Variants in MICU3 observed in about 807,000 individuals in gnomAD.
MICU3 encodes calcium uptake protein 3, mitochondrial.
In MICU3, 62 loss-of-function variants were observed where a neutral mutation model predicts 66.5. The observed-to-expected ratio is 0.93, with a 90% CI of 0.76 to 1.15. MICU3 has a LOEUF of 1.15. MICU3 is among the 50% of genes most tolerant of loss of function. The pLI is 0.00. For synonymous variants in MICU3, 308 were observed against 240.7 expected (o/e 1.28, Z -2.59); for missense variants, 779 against 664.4 (o/e 1.17, Z -1.90).
At chr8:17,080,282 T>G (rs1275805481) in intron 4 of MICU3, among the ~76,000 whole-genome samples, 1 of 152,150 alleles carries the variant, frequency 6.6e-6, no homozygotes, top group African/African-American at 2.4e-5. Context: ...TTTAAGCCAC[T>G]TCAATCACCA....
At chr8:17,058,164 T>C (rs1817268436) in intron 1 of MICU3, among the ~76,000 whole-genome samples, 1 of 152,210 alleles carries the variant, frequency 6.6e-6, no homozygotes, top group African/African-American at 2.4e-5. Context: ...TTTTACTGCA[T>C]TGGCAATTTG....
intron 1 of MICU3, among the ~76,000 whole-genome samples, chr8:17,046,864 C>T (rs894067846): frequency 6.6e-6 from 1 of 152,058 alleles, no homozygotes; most frequent in Non-Finnish European, 1.5e-5. Flanking sequence ...TCCATACCAC[C>T]TCATGTGGGC....
intron 1 of MICU3, among the ~76,000 whole-genome samples, chr8:17,033,319 A>G (rs370960758): frequency 2.3e-4 from 35 of 152,378 alleles, no homozygotes; most frequent in African/African-American, 7.0e-4. Context: ...CACACAGATT[A>G]TAAGGAGACA....
intron 4 of MICU3, among the ~76,000 whole-genome samples, chr8:17,078,691 AAGG>A (rs1181441535): frequency 2.0e-5 from 3 of 152,042 alleles, no homozygotes; most frequent in Non-Finnish European, 4.4e-5. Context: ...AAATACTTTG[AAGG>A]AGTAGTTATA....
At chr8:17,092,857 A>C (rs890835654) in intron 8 of MICU3, among the ~76,000 whole-genome samples, 1 of 152,042 alleles carries the variant, frequency 6.6e-6, no homozygotes, top group Non-Finnish European at 1.5e-5. Context: ...AAATTAACTC[A>C]AGTGTCTAAT....
intron 9 of MICU3, among the ~76,000 whole-genome samples, chr8:17,100,409 G>A (rs543127004): frequency 5.3e-5 from 8 of 151,622 alleles, no homozygotes; most frequent in Non-Finnish European, 1.0e-4. Context: ...ATAATTACTT[G>A]GGGTTTATCT....
chr8:17,087,095 G>T (rs1799556511), intron 7 of MICU3, 60 bp downstream of exon 7: 2 of 1,098,008 alleles, frequency 1.8e-6, no homozygotes, highest in African/African-American at 1.6e-5. Flanking sequence ...TTTTATTCAT[G>T]TTAAGAAACA....
At chr8:17,054,663 T>C (rs530318890) in intron 1 of MICU3, among the ~76,000 whole-genome samples, 1 of 152,224 alleles carries the variant, frequency 6.6e-6, no homozygotes, top group African/African-American at 2.4e-5. Flanking sequence ...AAACCATTTG[T>C]TTACCTTCAA....
chr8:17,116,663 C>G, intron 13 of MICU3, 63 bp downstream of exon 13: 8 of 1,176,460 alleles, frequency 6.8e-6, no homozygotes, highest in Non-Finnish European at 9.5e-6. Flanking sequence ...ATCAATCCAT[C>G]TAAGTTGAGA....
At position 17,114,193 on chromosome 8, in the gene MICU3, T is replaced by C; in HGVS notation, c.1358T>C (p.Ile453Thr). ...LNMYNFASRS[I>T]GQDEFKRAVY... ...ATGTATAACTTTGCAAGTCGTTCTA[T>C]AGGGCAAGGTAAGTAATCATCTACA... Residue 453 changes from isoleucine to threonine, a missense_variant, in exon 12 of 15, where the codon ATA (isoleucine) becomes ACA (threonine). Coordinates refer to ENST00000318063, the MANE Select transcript of MICU3 (RefSeq NM_181723.3). 3.1e-6 allele frequency: 5 copies of C among 1,588,114 alleles called. No individual in the cohort carries two copies. The highest frequency in any genetic ancestry group is 4.3e-6 in the Non-Finnish European group (5 of 1,159,120).
chr8:17,049,915 C>T (rs1205420759), intron 1 of MICU3, among the ~76,000 whole-genome samples: 1 of 152,106 alleles, frequency 6.6e-6, no homozygotes, highest in Non-Finnish European at 1.5e-5. Context: ...CATTTTTCTA[C>T]AACCTGTTTT....
intron 4 of MICU3, among the ~76,000 whole-genome samples, chr8:17,078,549 A>G (rs1820721073): frequency 6.6e-6 from 1 of 152,034 alleles, no homozygotes; most frequent in Non-Finnish European, 1.5e-5. Context: ...TTGGAAATGT[A>G]TTTTTTGTAT....
chr8:17,123,204 A>G (rs1803305341), downstream of MICU3, among the ~76,000 whole-genome samples: 1 of 152,098 alleles, frequency 6.6e-6, no homozygotes, highest in African/African-American at 2.4e-5. Flanking sequence ...GCAATGTTGC[A>G]TCTTAGATTC....
chr8:17,062,781 A>G (rs1024177439), intron 1 of MICU3, among the ~76,000 whole-genome samples: 4 of 152,022 alleles, frequency 2.6e-5, no homozygotes, highest in Admixed American at 6.6e-5. Context: ...AAGGGAGGCT[A>G]GGCAGGAGAG....
chr8:17,027,965 G>C (rs902474811), intron 1 of MICU3, among the ~76,000 whole-genome samples: 1 of 152,150 alleles, frequency 6.6e-6, no homozygotes, highest in African/African-American at 2.4e-5. Flanking sequence ...TGAAGGCCAT[G>C]ACAGGCAGAA....
intron 5 of MICU3, 88 bp downstream of exon 5, chr8:17,081,828 G>T: frequency 1.5e-6 from 1 of 645,614 alleles, no homozygotes; most frequent in Non-Finnish European, 2.8e-6. Context: ...TCTTACTCTT[G>T]AAAATCAATA....
chr8:17,042,875 C>T (rs1352386100), intron 1 of MICU3, among the ~76,000 whole-genome samples: 3 of 149,596 alleles, frequency 2.0e-5, no homozygotes, highest in African/African-American at 7.4e-5. Flanking sequence ...TGCATTGTCC[C>T]TTTTCCTCAA....
At chr8:17,125,794 A>G (rs1280501199), downstream of MICU3, among the ~76,000 whole-genome samples, 1 of 151,958 alleles carries the variant, frequency 6.6e-6, no homozygotes, top group Non-Finnish European at 1.5e-5. Context: ...GTACTTTGGG[A>G]TGCTGAGGCG....
At chr8:17,074,897 T>G (rs1396880981) in intron 3 of MICU3, among the ~76,000 whole-genome samples, 1 of 152,122 alleles carries the variant, frequency 6.6e-6, no homozygotes, top group Admixed American at 6.6e-5. Flanking sequence ...ACTCCGAGTT[T>G]AAGCATGGTG....
Sources: gnomAD v4.1 joint callset for allele counts (sites outside exome capture counted in the v4.1 genomes callset) on GRCh38, gnomAD v4.1.1 for gene constraint, MANE v1.5 for transcripts, NCBI Gene and HGNC (gene_info 2026-07-23, HGNC 2026-07-21) for gene names.